The following NREP variants were observed in gnomAD, a reference collection of about 807,000 sequenced individuals.
NREP encodes the protein neuronal regeneration-related protein.
In NREP, 5 loss-of-function variants were observed where a neutral mutation model predicts 8.6. The observed-to-expected ratio is 0.58, with a 90% CI of 0.30 to 1.22. The LOEUF is 1.22. NREP is among the 50% of genes most tolerant of loss of function. The pLI, the probability that NREP is intolerant of heterozygous loss-of-function variation, is 0.07. For missense variants in NREP, 86 were observed against 82.5 expected, an observed-to-expected ratio of 1.04 and a Z score of -0.17; for synonymous variants, 27 against 28.0, an observed-to-expected ratio of 0.96 and a Z score of 0.11.
At chr5:111,805,680 A>G (rs896058940) in intron 2 of NREP, among the ~76,000 whole-genome samples, 1 of 152,240 alleles carries the variant, frequency 6.6e-6, no homozygotes, top group Non-Finnish European at 1.5e-5. Context: ...CTAGCTCTCA[A>G]ATACTTCAGC....
chr5:111,968,798 T>C (rs1581260297), intron 2 of NREP, among the ~76,000 whole-genome samples: 1 of 152,206 alleles, frequency 6.6e-6, no homozygotes, highest in African/African-American at 2.4e-5. Context: ...CACACTTGGA[T>C]GCAATTATAT....
chr5:111,816,984 G>T (rs987899807), intron 2 of NREP, among the ~76,000 whole-genome samples: 5 of 151,960 alleles, frequency 3.3e-5, no homozygotes, highest in Admixed American at 6.6e-5. Flanking sequence ...AATTATAATA[G>T]GAATTTGGAA....
intron 2 of NREP, among the ~76,000 whole-genome samples, chr5:111,806,865 C>T (rs1752155930): frequency 6.6e-6 from 1 of 152,040 alleles, no homozygotes; most frequent in East Asian, 1.9e-4. Context: ...GTGTACTTTA[C>T]TAACAGGTTC....
At chr5:111,907,523 T>G (rs1047035077) in intron 2 of NREP, among the ~76,000 whole-genome samples, 1 of 152,122 alleles carries the variant, frequency 6.6e-6, no homozygotes, top group African/African-American at 2.4e-5. Flanking sequence ...GGCTCTTTTC[T>G]GCTCCATTAG....
rs1748366494 is a variant in NREP, at chr5:111,729,575, A to C, written c.*1346T>G. 1 of 152,728 alleles carries C rather than the reference A, an allele frequency of 6.5e-6. No individual in the cohort carries two copies. The highest frequency in any genetic ancestry group is 2.1e-4 in the South Asian group (1 of 4,832). 9.5% of individuals were successfully genotyped at this position (152,728 alleles called of 1,614,324 possible). A position where few individuals can be genotyped will look rare whatever the true frequency, so the allele number is the denominator to read the frequency against. ...TGGGGGAGCAAGAAGAAAACGAAGA[A>C]GTGCAGTGCATGCGTCATCGGTGTT... On this transcript the variant is annotated 3_prime_UTR_variant, in exon 4 of 4. Coordinates refer to ENST00000257435, the MANE Select transcript of NREP (RefSeq NM_004772.4).
chr5:111,828,533 C>T (rs1008901270), intron 2 of NREP, among the ~76,000 whole-genome samples: 1 of 152,004 alleles, frequency 6.6e-6, no homozygotes, highest in Admixed American at 6.6e-5. Flanking sequence ...ACCTGCTGTC[C>T]CTTGGATGAC....
At chr5:111,966,986 G>T (rs896412512) in intron 2 of NREP, among the ~76,000 whole-genome samples, 1 of 152,182 alleles carries the variant, frequency 6.6e-6, no homozygotes, top group African/African-American at 2.4e-5. Context: ...AGAGACATCT[G>T]GCCCCCAAGA....
intron 2 of NREP, among the ~76,000 whole-genome samples, chr5:111,743,225 C>G (rs930345728): frequency 6.7e-6 from 1 of 150,194 alleles, no homozygotes; most frequent in Admixed American, 6.6e-5. Context: ...AATAATAAAG[C>G]AAAGGCCACA....
chr5:111,757,841 G>C (rs1199436040), upstream of NREP: 14 of 971,030 alleles, frequency 1.4e-5, no homozygotes, highest in African/African-American at 7.0e-5. Flanking sequence ...GGAGGAGGCG[G>C]TTTGGGGGCG....
chr5:111,937,288 C>T (rs1755710708), intron 2 of NREP, among the ~76,000 whole-genome samples: 1 of 152,054 alleles, frequency 6.6e-6, no homozygotes, highest in Non-Finnish European at 1.5e-5. Context: ...TCATAACTGT[C>T]TTTCTCACTG....
intron 2 of NREP, among the ~76,000 whole-genome samples, chr5:111,934,736 G>A (rs1173463568): frequency 6.6e-6 from 1 of 152,124 alleles, no homozygotes; most frequent in Non-Finnish European, 1.5e-5. Flanking sequence ...CCCAACACAG[G>A]ATTATCCCAG....
At chr5:111,846,127 A>G (rs1234942408) in intron 2 of NREP, 1 of 154,724 alleles carries the variant, frequency 6.5e-6, no homozygotes, top group Non-Finnish European at 1.4e-5. Context: ...AAAAAATTAC[A>G]CTTAAAAAAT....
intron 2 of NREP, among the ~76,000 whole-genome samples, chr5:111,753,186 C>T (rs1003566504): frequency 1.2e-4 from 18 of 151,760 alleles, no homozygotes; most frequent in African/African-American, 4.1e-4. Context: ...AAAACTGACA[C>T]TTTTAACAGT....
chr5:111,918,893 GAAAACAAAAC>G (rs57221084), intron 2 of NREP, among the ~76,000 whole-genome samples: 22 of 151,718 alleles, frequency 1.5e-4, no homozygotes, highest in Non-Finnish European at 2.4e-4. Flanking sequence ...CTTCTGCACA[GAAAACAAAAC>G]AAAACAAAAC....
At chr5:111,825,160 C>T (rs1395159162) in intron 2 of NREP, among the ~76,000 whole-genome samples, 1 of 151,858 alleles carries the variant, frequency 6.6e-6, no homozygotes, top group Non-Finnish European at 1.5e-5. Flanking sequence ...AATGTTAGAT[C>T]CTTTGACATT....
chr5:111,963,836 A>T (rs1171300258), intron 2 of NREP, among the ~76,000 whole-genome samples: 1 of 152,200 alleles, frequency 6.6e-6, no homozygotes, highest in Non-Finnish European at 1.5e-5. Flanking sequence ...GGTGATCTTG[A>T]TTTTAATTTT....
At chr5:111,789,281 A>G (rs1156388364) in intron 2 of NREP, among the ~76,000 whole-genome samples, 2 of 152,184 alleles carry the variant, frequency 1.3e-5, no homozygotes, top group Non-Finnish European at 1.5e-5. Flanking sequence ...CAAATTTCAG[A>G]AAAAGATGTT....
At chr5:111,976,858 G>T in exon 1 of NREP, 1 of 725,994 alleles carries the variant, frequency 1.4e-6, no homozygotes, top group Non-Finnish European at 2.3e-6. Context: ...ATTGTCCAAT[G>T]TTTCTTTTGA....
intron 2 of NREP, among the ~76,000 whole-genome samples, chr5:111,764,544 C>G (rs1039962478): frequency 6.6e-6 from 1 of 152,110 alleles, no homozygotes. Flanking sequence ...TTCACTATCA[C>G]GAGAGCAGCA....
Sources: allele counts gnomAD v4.1 joint callset (sites outside exome capture counted in the v4.1 genomes callset), GRCh38; gene constraint gnomAD v4.1.1; transcripts MANE v1.5; gene names NCBI Gene and HGNC (gene_info 2026-07-23, HGNC 2026-07-21).